Variants in ZBTB20 observed in about 807,000 individuals in gnomAD.
ZBTB20 encodes zinc finger and BTB domain-containing protein 20.
A neutral mutation model predicts 56.9 loss-of-function variants in ZBTB20; 9 were observed. The ratio of observed to expected loss-of-function variants is 0.16; its 90% CI spans 0.10 to 0.28. The LOEUF (loss-of-function observed/expected upper bound fraction) is 0.28, where lower values mean the gene tolerates loss of function less well. Among genes scored for constraint, ZBTB20 ranks in the 10% least tolerant of loss-of-function variants. The probability of loss-of-function intolerance (pLI) is 1.00; values close to 1 mark genes in which losing one functional copy is unlikely to be tolerated. For synonymous variants in ZBTB20, 417 were observed against 420.7 expected (o/e 0.99, Z 0.11); for missense variants, 655 against 1,003.0 (o/e 0.65, Z 4.69).
intron 5 of ZBTB20, among the ~76,000 whole-genome samples, chr3:114,727,549 T>C (rs188888080): frequency 1.3e-5 from 2 of 152,356 alleles, no homozygotes; most frequent in Admixed American, 1.3e-4. Context: ...ATGTGGTAAC[T>C]ATACTGTAAG....
chr3:114,924,991 T>TG (rs890329877), intron 3 of ZBTB20, among the ~76,000 whole-genome samples: 4 of 147,488 alleles, frequency 2.7e-5, no homozygotes, highest in African/African-American at 9.9e-5. Context: ...TTTTTTTTTT[T>TG]TTTTTTTTTT....
chr3:114,489,901 TCA>T (rs2042548877), intron 7 of ZBTB20, among the ~76,000 whole-genome samples: 1 of 152,162 alleles, frequency 6.6e-6, no homozygotes, highest in South Asian at 2.1e-4. Context: ...TTCTAAGCTA[TCA>T]TTTTATAATG....
Position 115,013,498 on chromosome 3 carries a change from T to C in ZBTB20, c.-506-39082A>G, listed in dbSNP as rs1382288150. Among the ~76,000 whole-genome samples the C allele has an allele frequency of 4.0e-5, 6 of 151,778 alleles. No individual in the cohort carries two copies. In the East Asian group the frequency reaches 9.7e-4, roughly 25 times the overall value. ...TTGAACCAGGAACATATCCAAAACC[T>C]GAGCAGACCAATAACAAGTAATGAG... On this transcript the variant is annotated intron_variant, in intron 2 of 11. Coordinates refer to ENST00000675478, the MANE Select transcript of ZBTB20 (RefSeq NM_001348800.3).
chr3:115,028,869 C>A (rs749587654), intron 2 of ZBTB20, among the ~76,000 whole-genome samples: 8 of 150,742 alleles, frequency 5.3e-5, no homozygotes, highest in African/African-American at 1.9e-4. Context: ...TGACACTACA[C>A]CTAATGGTGA....
intron 6 of ZBTB20, among the ~76,000 whole-genome samples, chr3:114,532,981 C>T (rs774134765): frequency 2.6e-5 from 4 of 152,066 alleles, no homozygotes; most frequent in African/African-American, 4.8e-5. Context: ...AAACCCCATC[C>T]GAAGATCACC....
At chr3:115,096,031 T>C (rs1020336213) in intron 1 of ZBTB20, among the ~76,000 whole-genome samples, 6 of 152,226 alleles carry the variant, frequency 3.9e-5, no homozygotes, top group Non-Finnish European at 7.3e-5. Context: ...TACACACCTA[T>C]ACATGACTTG....
chr3:114,816,129 T>C (rs2072898019), intron 4 of ZBTB20, among the ~76,000 whole-genome samples: 1 of 152,224 alleles, frequency 6.6e-6, no homozygotes, highest in Non-Finnish European at 1.5e-5. Context: ...ATTTATAAAA[T>C]GCTTTAACAA....
At chr3:114,823,094 T>C (rs1300723606) in intron 4 of ZBTB20, among the ~76,000 whole-genome samples, 1 of 152,116 alleles carries the variant, frequency 6.6e-6, no homozygotes, top group Non-Finnish European at 1.5e-5. Flanking sequence ...GAACTTACAA[T>C]GTCCTGGCCT....
chr3:114,337,882 A>C lies in ZBTB20; in HGVS notation c.*1123T>G, dbSNP rs1218333446. 6.6e-6 allele frequency: 1 copy of C among 152,018 alleles called. No homozygotes were observed. The allele number at this position is 152,018 out of a possible 1,614,324, so 9.4% of individuals were successfully genotyped here. ...GCAGTGTATGCAAAACCAAAATGAA[A>C]AAAATTACTTTTAACAATTTCACTT... On this transcript the variant is annotated 3_prime_UTR_variant, in exon 12 of 12. Coordinates refer to ENST00000675478, the MANE Select transcript of ZBTB20 (RefSeq NM_001348800.3).
intron 6 of ZBTB20, among the ~76,000 whole-genome samples, chr3:114,606,180 A>T (rs926574664): frequency 1.3e-5 from 2 of 152,188 alleles, no homozygotes; most frequent in Non-Finnish European, 2.9e-5. Flanking sequence ...ACAATTATCT[A>T]ATCTCTTTTG....
chr3:114,928,224 C>T (rs1337323429), intron 3 of ZBTB20, among the ~76,000 whole-genome samples: 1 of 152,208 alleles, frequency 6.6e-6, no homozygotes, highest in Admixed American at 6.5e-5. Flanking sequence ...CTTTATCTGT[C>T]GTCTGAGGCA....
intron 7 of ZBTB20, among the ~76,000 whole-genome samples, chr3:114,476,990 T>C (rs1275204011): frequency 5.3e-5 from 8 of 152,216 alleles, no homozygotes; most frequent in Admixed American, 2.6e-4. Context: ...TGGTAACTTA[T>C]AGGGGCTGTT....
At chr3:114,666,556 T>A (rs1215552508) in intron 6 of ZBTB20, among the ~76,000 whole-genome samples, 1 of 152,040 alleles carries the variant, frequency 6.6e-6, no homozygotes, top group Non-Finnish European at 1.5e-5. Flanking sequence ...TTCTTTTTAT[T>A]TGAAAATCAT....
chr3:114,444,561 T>C (rs2091146157), intron 7 of ZBTB20, among the ~76,000 whole-genome samples: 1 of 152,158 alleles, frequency 6.6e-6, no homozygotes, highest in Admixed American at 6.6e-5. Flanking sequence ...TAGGAGTACA[T>C]CAAGAAAACG....
chr3:114,916,237 T>C (rs1276527277), intron 3 of ZBTB20, among the ~76,000 whole-genome samples: 1 of 152,126 alleles, frequency 6.6e-6, no homozygotes, highest in East Asian at 1.9e-4. Context: ...TGCTCCAGTG[T>C]TGGGTGTATA....
At chr3:115,016,713 G>C (rs1387972068) in intron 2 of ZBTB20, among the ~76,000 whole-genome samples, 1 of 151,812 alleles carries the variant, frequency 6.6e-6, no homozygotes, top group Non-Finnish European at 1.5e-5. Flanking sequence ...GGTTACTGTA[G>C]CCTTGTAGTG....
chr3:114,338,646 T>C lies in ZBTB20; in HGVS notation c.*359A>G, dbSNP rs541680396. 2 of 171,062 alleles carry C rather than the reference T, an allele frequency of 1.2e-5. No individual in the cohort carries two copies. Among genetic ancestry groups the C allele is most frequent in the East Asian group, 3.1e-4 (2 of 6,550 alleles). The allele number at this position is 171,062 out of a possible 1,614,324, so 10.6% of individuals were successfully genotyped here. ...TATTTTTTGTAGTGCTCTTCACAAG[T>C]GGAAATTTTTTTTTTTTTTTTACTT... On this transcript the variant is annotated 3_prime_UTR_variant, in exon 12 of 12. Coordinates refer to ENST00000675478, the MANE Select transcript of ZBTB20 (RefSeq NM_001348800.3).
At chr3:114,964,562 G>T (rs1385041284) in intron 3 of ZBTB20, among the ~76,000 whole-genome samples, 1 of 152,144 alleles carries the variant, frequency 6.6e-6, no homozygotes, top group African/African-American at 2.4e-5. Flanking sequence ...TTTTTTCTGG[G>T]TCATGTGCAG....
chr3:114,928,813 T>C (rs1015303050), intron 3 of ZBTB20, among the ~76,000 whole-genome samples: 4 of 152,218 alleles, frequency 2.6e-5, no homozygotes, highest in African/African-American at 9.6e-5. Context: ...TGTTTAGGAT[T>C]CTGAGAACTT....
Sources: allele counts gnomAD v4.1 joint callset (sites outside exome capture counted in the v4.1 genomes callset), GRCh38; gene constraint gnomAD v4.1.1; transcripts MANE v1.5; gene names NCBI Gene and HGNC (gene_info 2026-07-23, HGNC 2026-07-21).